COL15A1: variants seen among roughly 807,000 people sequenced by gnomAD.
COL15A1 encodes collagen alpha-1(XV) chain.
A neutral mutation model predicts 165.9 loss-of-function variants in COL15A1; 111 were observed. The ratio of observed to expected loss-of-function variants is 0.67; its 90% CI spans 0.57 to 0.78. The LOEUF (loss-of-function observed/expected upper bound fraction) is 0.78. Ranked by LOEUF, COL15A1 falls within the 30% of genes least tolerant of loss-of-function variation. The probability of loss-of-function intolerance (pLI) is 0.00; values close to 1 mark genes in which losing one functional copy is unlikely to be tolerated. For synonymous variants in COL15A1, 659 were observed against 674.8 expected, an observed-to-expected ratio of 0.98 and a Z score of 0.36; for missense variants, 1,745 against 1,789.7, an observed-to-expected ratio of 0.98 and a Z score of 0.45.
Position 98,944,199 on chromosome 9 carries a change from C to T in COL15A1, c.49C>T (p.Leu17Phe). 6.2e-7 allele frequency: 1 copy of T among 1,614,102 alleles called. No homozygotes were observed. Among genetic ancestry groups the T allele is most frequent in the Non-Finnish European group, 8.5e-7 (1 of 1,179,992 alleles). Residue 17 changes from leucine to phenylalanine, a missense_variant, in exon 2 of 42, where the codon CTC (leucine) becomes TTC (phenylalanine). Transcript: ENST00000375001. The part of the protein sequence containing the change: ...NGQCWCLLML[L>F]SVSTPLPAVT... Reference sequence around the variant, plus strand: ...GCAGTGCTGGTGTCTGCTGATGCTGCTCTCGGTCTCCACGCCCCTCCCTGC... The same window carrying T: ...GCAGTGCTGGTGTCTGCTGATGCTGTTCTCGGTCTCCACGCCCCTCCCTGC...
chr9:98,955,327 T>G (rs919878954), intron 2 of COL15A1, among the ~76,000 whole-genome samples: 14 of 152,358 alleles, frequency 9.2e-5, no homozygotes, highest in Admixed American at 5.9e-4. Flanking sequence ...CTGTCACTGG[T>G]GATCAGTTCA....
chr9:98,944,402 C>T (rs888039421), intron 2 of COL15A1, 152 bp downstream of exon 2: 1 of 797,840 alleles, frequency 1.3e-6, no homozygotes, highest in Non-Finnish European at 2.0e-6. Context: ...CCGCGGGCGG[C>T]TACCTCCTGG....
chr9:98,985,478 C>T (rs1386699287), intron 2 of COL15A1, 87 bp from the exon 3 acceptor site: 51 of 1,281,836 alleles, frequency 4.0e-5, no homozygotes, highest in South Asian at 6.0e-5. Context: ...TGAGTGATCC[C>T]GTTTCATTTG....
chr9:99,026,296 T>G (rs1839123028), intron 16 of COL15A1, among the ~76,000 whole-genome samples: 1 of 152,182 alleles, frequency 6.6e-6, no homozygotes, highest in Admixed American at 6.5e-5. Context: ...GATGGCCCAG[T>G]CTGACCTCCA....
At chr9:99,063,212 G>A in intron 39 of COL15A1, 103 bp downstream of exon 39, 1 of 1,310,638 alleles carries the variant, frequency 7.6e-7, no homozygotes, top group Non-Finnish European at 1.0e-6. Flanking sequence ...GATACTTATA[G>A]ACTAGTGAGA....
At position 99,069,819 on chromosome 9, in the gene COL15A1, A is replaced by G. The variant is rs376186241; in HGVS notation, c.4100A>G (p.Tyr1367Cys). 89 of 1,614,112 alleles carry G rather than the reference A, an allele frequency of 5.5e-5. 2 individuals are homozygous for G. The East Asian group carries it at 6.9e-4, about 13-fold the overall frequency. Residue 1367 changes from tyrosine (Y) to cysteine (C), a missense_variant, in exon 42 of 42, where the codon TAC (tyrosine) becomes TGC (cysteine). Transcript: ENST00000375001. ...STGKILDQKA[Y>C]SCANRLIVLC... Reference sequence around the variant, plus strand: ...GGGAAGATTCTGGACCAGAAAGCATACAGCTGTGCTAATCGGCTAATTGTC... The same window carrying G: ...GGGAAGATTCTGGACCAGAAAGCATGCAGCTGTGCTAATCGGCTAATTGTC...
At chr9:98,974,072 A>C (rs1332992659) in intron 2 of COL15A1, among the ~76,000 whole-genome samples, 1 of 152,214 alleles carries the variant, frequency 6.6e-6, no homozygotes, top group Non-Finnish European at 1.5e-5. Flanking sequence ...GTAGAAGTTG[A>C]GGCCGACTTG....
chr9:99,046,690 G>C (rs535062851), intron 26 of COL15A1, among the ~76,000 whole-genome samples: 1 of 152,256 alleles, frequency 6.6e-6, no homozygotes, highest in East Asian at 1.9e-4. Context: ...AACAGCATGG[G>C]GAAATCTGCC....
intron 34 of COL15A1, among the ~76,000 whole-genome samples, chr9:99,055,937 T>G (rs1825714117): frequency 1.3e-5 from 2 of 152,204 alleles, no homozygotes. Flanking sequence ...GCATCTAATT[T>G]GCTTCATGAT....
chr9:99,014,892 T>C (rs1035838672), intron 9 of COL15A1, among the ~76,000 whole-genome samples: 2 of 152,322 alleles, frequency 1.3e-5, no homozygotes, highest in Middle Eastern at 3.4e-3. Context: ...TGCATTCTTT[T>C]GAGTTTCTGA....
chr9:99,038,902 T>C (rs1359581710), intron 22 of COL15A1, among the ~76,000 whole-genome samples, 169 bp downstream of exon 22: 2 of 152,256 alleles, frequency 1.3e-5, no homozygotes, highest in Non-Finnish European at 2.9e-5. Flanking sequence ...TTCACATTAA[T>C]TTGATCATGT....
chr9:99,026,106 A>T, intron 16 of COL15A1, 140 bp downstream of exon 16: 2 of 751,220 alleles, frequency 2.7e-6, no homozygotes, highest in Non-Finnish European at 4.3e-6. Context: ...CTTCTGCTGG[A>T]TGTCTCCATC....
Position 99,070,203 on chromosome 9 carries a change from A to G in COL15A1, c.*317A>G, listed in dbSNP as rs965808716. ...GGCATTCTGCCACTGCATCCTTCAGACAGTTATATCCTCCTTTTAAACCAT... is the reference window on the plus strand; with the variant it reads ...GGCATTCTGCCACTGCATCCTTCAGGCAGTTATATCCTCCTTTTAAACCAT... On this transcript the variant is annotated 3_prime_UTR_variant, in exon 42 of 42. Coordinates refer to ENST00000375001, the MANE Select transcript of COL15A1 (RefSeq NM_001855.5). 5.2e-5 allele frequency: 15 copies of G among 288,252 alleles called. No homozygotes were observed. The highest frequency in any genetic ancestry group is 9.2e-5 in the Non-Finnish European group (14 of 151,998). 17.9% of individuals were successfully genotyped at this position (288,252 alleles called of 1,614,324 possible).
chr9:98,988,357 T>C (rs189225705), intron 4 of COL15A1, among the ~76,000 whole-genome samples: 2 of 152,068 alleles, frequency 1.3e-5, no homozygotes, highest in Admixed American at 1.3e-4. Context: ...ACTGAAAAAG[T>C]AGAAACAACC....
intron 8 of COL15A1, 123 bp from the exon 9 acceptor site, chr9:99,004,775 C>T: frequency 9.5e-7 from 1 of 1,057,940 alleles, no homozygotes; most frequent in East Asian, 2.4e-5. Context: ...CTGTGGGTTT[C>T]CATGTGAAGT....
intron 16 of COL15A1, among the ~76,000 whole-genome samples, chr9:99,034,138 AG>A (rs1839255653): frequency 6.6e-6 from 1 of 152,144 alleles, no homozygotes; most frequent in African/African-American, 2.4e-5. Context: ...CCAAAAGTCT[AG>A]GGGATACATT....
intron 24 of COL15A1, 101 bp downstream of exon 24, chr9:99,042,208 A>G (rs574332375): frequency 1.1e-5 from 9 of 813,118 alleles, no homozygotes; most frequent in African/African-American, 6.9e-5. Context: ...TCTTTGAGAT[A>G]CAATTCACAT....
chr9:99,065,532 G>C (rs1031168965), intron 39 of COL15A1, among the ~76,000 whole-genome samples: 1 of 151,668 alleles, frequency 6.6e-6, no homozygotes, highest in African/African-American at 2.4e-5. Flanking sequence ...GCATGCTAAA[G>C]CTCCCTCTTA....
At chr9:98,977,680 G>A (rs1047372355) in intron 2 of COL15A1, among the ~76,000 whole-genome samples, 2 of 148,188 alleles carry the variant, frequency 1.3e-5, no homozygotes, top group African/African-American at 2.5e-5. Context: ...GCGGGCCAGC[G>A]CCTATCCATG....
Sources: allele counts gnomAD v4.1 joint callset (sites outside exome capture counted in the v4.1 genomes callset), GRCh38; gene constraint gnomAD v4.1.1; transcripts MANE v1.5; gene names NCBI Gene and HGNC (gene_info 2026-07-23, HGNC 2026-07-21).